Variants in ADD3 observed in about 807,000 individuals in gnomAD.
ADD3 encodes gamma-adducin.
A neutral mutation model predicts 80.2 loss-of-function variants in ADD3; 25 were observed. The ratio of observed to expected loss-of-function variants is 0.31; its 90% CI spans 0.23 to 0.44. The LOEUF (loss-of-function observed/expected upper bound fraction) is 0.44. ADD3 is among the 20% of genes least tolerant of loss of function. The probability of loss-of-function intolerance (pLI) is 1.00; values close to 1 mark genes in which losing one functional copy is unlikely to be tolerated. For synonymous variants in ADD3, 284 were observed against 289.6 expected (o/e 0.98, Z 0.20); for missense variants, 829 against 847.5 (o/e 0.98, Z 0.27).
At position 110,117,323 on chromosome 10, in the gene ADD3, CTGT is replaced by C; in HGVS notation, c.487-14_487-12del. The stretch of plus-strand genomic sequence containing the variant: ...ATATGAACCACTTCATAGTAATTCC[CTGT>C]TGTTTTTTTTTCCAGGTAAGAATAA... On this transcript the variant is annotated splice_polypyrimidine_tract_variant and intron_variant, in intron 4 of 14. Transcript: ENST00000356080. The C allele has an allele frequency of 2.9e-6, 4 of 1,370,700 alleles. 1 individual carries two copies. In the South Asian group the frequency reaches 3.6e-5, roughly 12 times the overall value. 84.9% of individuals were successfully genotyped at this position (1,370,700 alleles called of 1,614,324 possible).
At chr10:110,060,105 TC>T (rs984976577) in intron 1 of ADD3, among the ~76,000 whole-genome samples, 13 of 152,220 alleles carry the variant, frequency 8.5e-5, no homozygotes, top group African/African-American at 3.1e-4. Context: ...GACTGCGACT[TC>T]CTGTTCAGCT....
At chr10:110,097,990 T>TG (rs1395551736) in intron 1 of ADD3, among the ~76,000 whole-genome samples, 1 of 152,178 alleles carries the variant, frequency 6.6e-6, no homozygotes, top group Non-Finnish European at 1.5e-5. Flanking sequence ...TTGGCCAGGA[T>TG]GGTCTCGATC....
Position 110,100,745 on chromosome 10 carries a change from A to G in ADD3, c.92A>G (p.Asn31Ser). 6.2e-7 allele frequency: 1 copy of G among 1,614,062 alleles called. No individual in the cohort carries two copies. The highest frequency in any genetic ancestry group is 8.5e-7 in the Non-Finnish European group (1 of 1,179,956). The change falls in exon 2 of 15, where the codon AAT becomes AGT. Residue 31 changes from asparagine (N) to serine (S), a missense_variant. Asn to Ser is a conservative substitution (Grantham distance 46). Coordinates refer to ENST00000356080, the MANE Select transcript of ADD3 (RefSeq NM_016824.5). ...AGATATTTTGACCGCATCAATGAAA[A>G]TGACCCAGAATACATTAGGGAGAGG... ...KERYFDRINE[N>S]DPEYIRERNM...
intron 1 of ADD3, among the ~76,000 whole-genome samples, chr10:110,014,091 C>G (rs1223944185): frequency 6.6e-6 from 1 of 152,202 alleles, no homozygotes; most frequent in South Asian, 2.1e-4. Flanking sequence ...TGGGTTTACT[C>G]ATCCTCCTGA....
At chr10:110,048,579 T>C (rs186190659) in intron 1 of ADD3, among the ~76,000 whole-genome samples, 1 of 147,376 alleles carries the variant, frequency 6.8e-6, no homozygotes, top group East Asian at 1.9e-4. Flanking sequence ...TGGTGGGAAC[T>C]GGAGTAAAGG....
At chr10:110,090,729 A>G (rs1847396570) in intron 1 of ADD3, among the ~76,000 whole-genome samples, 1 of 152,208 alleles carries the variant, frequency 6.6e-6, no homozygotes, top group Admixed American at 6.5e-5. Context: ...CAATTGACAC[A>G]TATTTTATCT....
At chr10:110,034,577 A>G (rs916860573) in intron 1 of ADD3, among the ~76,000 whole-genome samples, 3 of 152,266 alleles carry the variant, frequency 2.0e-5, no homozygotes, top group African/African-American at 7.2e-5. Flanking sequence ...CAATAGTCCA[A>G]GATACTGCCA....
chr10:110,001,556 A>G (rs1185467491), upstream of ADD3, among the ~76,000 whole-genome samples: 1 of 152,174 alleles, frequency 6.6e-6, no homozygotes, highest in Non-Finnish European at 1.5e-5. Context: ...CATTTCACTC[A>G]TGTCTGAGAT....
In ADD3 at chr10:110,132,304, G is replaced by C. The variant is rs147358716; in HGVS notation, c.1733-1G>C. ...CTTTTAACTAAACTCTTATCCAACAGATGCTGAGCAGGAATTACTCTCAGA... is the reference window on the plus strand; with the variant it reads ...CTTTTAACTAAACTCTTATCCAACACATGCTGAGCAGGAATTACTCTCAGA... On this transcript the variant is annotated splice_acceptor_variant, in intron 13 of 14. Coordinates refer to ENST00000356080, the MANE Select transcript of ADD3 (RefSeq NM_016824.5). LOFTEE classifies it high-confidence loss of function. The C allele has an allele frequency of 6.2e-7, 1 of 1,610,792 alleles. No individual in the cohort carries two copies. Among genetic ancestry groups the C allele is most frequent in the Non-Finnish European group, 8.5e-7 (1 of 1,177,692 alleles).
At chr10:110,025,942 A>T (rs765695698) in intron 1 of ADD3, among the ~76,000 whole-genome samples, 1 of 152,148 alleles carries the variant, frequency 6.6e-6, no homozygotes, top group Non-Finnish European at 1.5e-5. Context: ...AAAAAATTTC[A>T]TCGAATTTGG....
chr10:110,082,381 T>G (rs879114781), intron 1 of ADD3, among the ~76,000 whole-genome samples: 5 of 152,200 alleles, frequency 3.3e-5, no homozygotes, highest in Admixed American at 3.3e-4. Flanking sequence ...CTCTACACAC[T>G]TCCTGTCCTT....
At chr10:110,040,790 G>T (rs554003042) in intron 1 of ADD3, among the ~76,000 whole-genome samples, 1 of 152,352 alleles carries the variant, frequency 6.6e-6, no homozygotes, top group East Asian at 1.9e-4. Flanking sequence ...TAGAGAGGAA[G>T]AGACTTTTCC....
At chr10:110,132,455 C>G in intron 14 of ADD3, 55 bp downstream of exon 14, 2 of 1,253,638 alleles carry the variant, frequency 1.6e-6, no homozygotes, top group Non-Finnish European at 2.3e-6. Context: ...GAGTCTGTCC[C>G]TCTGTGTTTT....
At chr10:110,130,531 A>G (rs1316700836) in intron 13 of ADD3, 45 bp downstream of exon 13, 1 of 1,594,122 alleles carries the variant, frequency 6.3e-7, no homozygotes, top group Non-Finnish European at 8.6e-7. Flanking sequence ...CACACTGATA[A>G]CAATAAAGTA....
At chr10:110,130,229 C>G in intron 12 of ADD3, 134 bp from the exon 13 acceptor site, 1 of 876,132 alleles carries the variant, frequency 1.1e-6, no homozygotes, top group Non-Finnish European at 1.7e-6. Flanking sequence ...TGTTACCTTG[C>G]ATTTCTTAGG....
At chr10:110,097,602 T>C (rs1848319393) in intron 1 of ADD3, among the ~76,000 whole-genome samples, 1 of 152,180 alleles carries the variant, frequency 6.6e-6, no homozygotes, top group South Asian at 2.1e-4. Context: ...TTGATGTAAA[T>C]ACTATTATCA....
chr10:110,050,724 T>C (rs1335893120), intron 1 of ADD3, among the ~76,000 whole-genome samples: 1 of 152,100 alleles, frequency 6.6e-6, no homozygotes, highest in Non-Finnish European at 1.5e-5. Context: ...TTGGCCAGGC[T>C]GGTCTTGAAC....
chr10:109,996,385 C>G (rs778779757), exon 1 of ADD3: 1 of 152,130 alleles, frequency 6.6e-6, no homozygotes, highest in Admixed American at 6.6e-5. Context: ...TTTCAGTAAT[C>G]ATTGTGAATG....
At chr10:110,030,005 C>G (rs956970550) in intron 1 of ADD3, among the ~76,000 whole-genome samples, 2 of 152,118 alleles carry the variant, frequency 1.3e-5, no homozygotes, top group East Asian at 3.9e-4. Context: ...GATAGCTGAC[C>G]TGACTGGAAT....
Sources: allele counts gnomAD v4.1 joint callset (sites outside exome capture counted in the v4.1 genomes callset), GRCh38; gene constraint gnomAD v4.1.1; transcripts MANE v1.5; gene names NCBI Gene and HGNC (gene_info 2026-07-23, HGNC 2026-07-21).